EDARADD: variants seen among roughly 807,000 people sequenced by gnomAD.
The protein encoded by EDARADD is ectodysplasin-A receptor-associated adapter protein.
Under a neutral mutation model 25.6 loss-of-function variants are expected in EDARADD, and 20 were observed. The ratio of observed to expected loss-of-function variants is 0.78; its 90% CI spans 0.55 to 1.14. The LOEUF (loss-of-function observed/expected upper bound fraction) is 1.14, where lower values mean the gene tolerates loss of function less well. EDARADD is among the 50% of genes most tolerant of loss of function. The pLI is 0.00. For missense variants in EDARADD, 225 were observed against 270.1 expected, an observed-to-expected ratio of 0.83 and a Z score of 1.17; for synonymous variants, 86 against 94.4, an observed-to-expected ratio of 0.91 and a Z score of 0.52.
chr1:236,447,997 G>A (rs1571941005), intron 4 of EDARADD, among the ~76,000 whole-genome samples: 2 of 152,074 alleles, frequency 1.3e-5, no homozygotes, highest in Admixed American at 6.6e-5. Flanking sequence ...CACCATGCCC[G>A]GCTAATTTTG....
At position 236,438,060 on chromosome 1, in the gene EDARADD, C is replaced by G. The variant is rs1359053488; in HGVS notation, c.219+10610C>G. Among the ~76,000 whole-genome samples the G allele has an allele frequency of 2.0e-5, 3 of 152,252 alleles. No individual in the cohort carries two copies. In the East Asian group the frequency reaches 5.8e-4, roughly 29 times the overall value. On this transcript the variant is annotated intron_variant, in intron 4 of 5. Transcript: ENST00000334232. ...TGAGGGAAGGACCTGCTCCAGGCCT[C>G]TCTTCATGGCTTGTAGCTGGCTGGC...
chr1:236,357,998 G>A (rs549976407), intron 3 of EDARADD, among the ~76,000 whole-genome samples: 12 of 151,808 alleles, frequency 7.9e-5, no homozygotes, highest in South Asian at 2.1e-4. Flanking sequence ...TCAGCCTCCT[G>A]AATAACAGGG....
chr1:236,366,302 G>A (rs1418966526), intron 3 of EDARADD, among the ~76,000 whole-genome samples: 2 of 152,200 alleles, frequency 1.3e-5, no homozygotes, highest in South Asian at 2.1e-4. Context: ...TGGGTGTGGA[G>A]CAGTGCTCTG....
chr1:236,474,080 A>G (rs914167523), intron 5 of EDARADD, among the ~76,000 whole-genome samples: 10 of 152,136 alleles, frequency 6.6e-5, no homozygotes, highest in Admixed American at 3.3e-4. Flanking sequence ...TAGAGGTTCA[A>G]TGCCCTGAAA....
chr1:236,379,110 C>T (rs1190077670), intron 3 of EDARADD, among the ~76,000 whole-genome samples: 5 of 152,182 alleles, frequency 3.3e-5, no homozygotes, highest in Non-Finnish European at 5.9e-5. Flanking sequence ...TGGCTCACAC[C>T]TGTAATCCCA....
intron 1 of EDARADD, among the ~76,000 whole-genome samples, chr1:236,404,951 G>A (rs1184862990): frequency 2.0e-5 from 3 of 152,120 alleles, no homozygotes; most frequent in African/African-American, 2.4e-5. Context: ...AAAACAAATC[G>A]GGCATAGTGG....
intron 3 of EDARADD, among the ~76,000 whole-genome samples, chr1:236,367,941 T>G (rs962219146): frequency 6.6e-6 from 1 of 151,546 alleles, no homozygotes; most frequent in Non-Finnish European, 1.5e-5. Context: ...AGACCTAGTC[T>G]CTACAAAAGA....
rs560002713 is a variant in EDARADD at position 236,377,105 on chromosome 1, C to A, written c.-6+26266C>A. The stretch of plus-strand genomic sequence containing the variant: ...TGCTACCTACTCTATCCATTACAGC[C>A]CTTAACATATATATATTTTATATAT... On this transcript the variant is annotated intron_variant, in intron 3 of 7. Coordinates refer to the EDARADD transcript ENST00000439430. 1.5e-4 allele frequency among the ~76,000 whole-genome samples: 23 copies of A among 148,826 alleles called. No individual in the cohort carries two copies. The South Asian group carries it at 4.8e-3, about 31-fold the overall frequency.
chr1:236,416,304 A>C (rs1657639943), intron 3 of EDARADD, among the ~76,000 whole-genome samples: 1 of 152,198 alleles, frequency 6.6e-6, no homozygotes, highest in Admixed American at 6.5e-5. Context: ...CAGCCGAAGA[A>C]GTGTGAAAAA....
chr1:236,457,512 C>T (rs1658901495), intron 4 of EDARADD, among the ~76,000 whole-genome samples: 1 of 150,832 alleles, frequency 6.6e-6, no homozygotes, highest in Admixed American at 6.6e-5. Context: ...CAGATTCTTT[C>T]TCTCTAAAAA....
intron 4 of EDARADD, among the ~76,000 whole-genome samples, chr1:236,447,220 CTTTCCTTTCTTTCCTTT>C (rs1658580252): frequency 1.5e-4 from 5 of 34,224 alleles, no homozygotes; most frequent in African/African-American, 4.1e-4. Flanking sequence ...TTCTTTCTTT[CTTTCCTTTCTTTCCTTT>C]CTTTCCTTTC....
upstream of EDARADD, among the ~76,000 whole-genome samples, chr1:236,392,437 C>T (rs1667437276): frequency 6.6e-6 from 1 of 151,834 alleles, no homozygotes; most frequent in African/African-American, 2.4e-5. Flanking sequence ...GACCCTCGTG[C>T]TTCACCCTCC....
intron 3 of EDARADD, among the ~76,000 whole-genome samples, chr1:236,356,250 A>G (rs1415761593): frequency 2.0e-5 from 3 of 152,168 alleles, no homozygotes; most frequent in Non-Finnish European, 2.9e-5. Context: ...TTCTGGATGA[A>G]GGTTATGGAG....
intron 4 of EDARADD, among the ~76,000 whole-genome samples, chr1:236,464,667 G>C (rs762251736): frequency 2.0e-5 from 3 of 151,704 alleles, no homozygotes; most frequent in Non-Finnish European, 4.4e-5. Flanking sequence ...TCCTGACCTC[G>C]GGCGATTGGC....
intron 4 of EDARADD, among the ~76,000 whole-genome samples, chr1:236,453,224 T>C (rs1423866458): frequency 1.3e-5 from 2 of 152,172 alleles, no homozygotes; most frequent in Non-Finnish European, 2.9e-5. Context: ...TAATAAAGTT[T>C]ACTGTCAACA....
intron 3 of EDARADD, among the ~76,000 whole-genome samples, chr1:236,361,016 C>T (rs1018759376): frequency 4.6e-5 from 7 of 152,088 alleles, no homozygotes; most frequent in African/African-American, 1.2e-4. Context: ...AAAATAGTCT[C>T]ATTTTAAGGT....
chr1:236,413,542 T>G (rs1201134446), intron 2 of EDARADD, among the ~76,000 whole-genome samples: 1 of 151,990 alleles, frequency 6.6e-6, no homozygotes, highest in African/African-American at 2.4e-5. Flanking sequence ...GGGGACAGGG[T>G]TGGGAAATTA....
rs1659749901 is a variant in EDARADD, at chr1:236,483,709, T to G, written c.*1060T>G. On this transcript the variant is annotated 3_prime_UTR_variant, in exon 6 of 6. Transcript: ENST00000334232. ...GGTGCAGCAAACTTCAGGGAAGCCATGCCCATTGGAGCGGAGGTTTACCAC... is the reference window on the plus strand; with the variant it reads ...GGTGCAGCAAACTTCAGGGAAGCCAGGCCCATTGGAGCGGAGGTTTACCAC... The G allele has an allele frequency of 6.4e-7, 1 of 1,558,636 alleles. No individual in the cohort carries two copies. The highest frequency in any genetic ancestry group is 1.4e-5 in the African/African-American group (1 of 73,794).
At chr1:236,377,180 GA>G (rs1029745995) in intron 3 of EDARADD, among the ~76,000 whole-genome samples, 1 of 150,108 alleles carries the variant, frequency 6.7e-6, no homozygotes, top group Admixed American at 6.6e-5. Flanking sequence ...TTTTGAGACA[GA>G]GTCTTGCTCT....
Sources: gnomAD v4.1 joint callset for allele counts (sites outside exome capture counted in the v4.1 genomes callset) on GRCh38, gnomAD v4.1.1 for gene constraint, MANE v1.5 for transcripts, NCBI Gene and HGNC (gene_info 2026-07-23, HGNC 2026-07-21) for gene names.